The following ANKS3 variants were observed in gnomAD, a reference collection of about 807,000 sequenced individuals.
ANKS3 encodes the protein ankyrin repeat and SAM domain-containing protein 3.
A neutral mutation model predicts 80.7 loss-of-function variants in ANKS3; 62 were observed. That is an observed-to-expected ratio of 0.77 (90% CI 0.63 to 0.95). ANKS3 has a LOEUF of 0.95. Among genes scored for constraint, ANKS3 ranks in the 40% least tolerant of loss-of-function variants. The probability of loss-of-function intolerance (pLI) is 0.00; values close to 1 mark genes in which losing one functional copy is unlikely to be tolerated. For synonymous variants in ANKS3, 489 were observed against 355.3 expected, an observed-to-expected ratio of 1.38 and a Z score of -4.23; for missense variants, 1,150 against 883.6, an observed-to-expected ratio of 1.30 and a Z score of -3.82.
chr16:4,715,385 C>A (rs1402369527), intron 6 of ANKS3, among the ~76,000 whole-genome samples: 1 of 152,196 alleles, frequency 6.6e-6, no homozygotes, highest in African/African-American at 2.4e-5. Context: ...GCAGGGAAGC[C>A]AGAGCCAAAG....
At chr16:4,700,070 C>G (rs921949144) in intron 11 of ANKS3, 3 of 152,494 alleles carry the variant, frequency 2.0e-5, no homozygotes, top group African/African-American at 2.4e-5. Context: ...CCGGCAAATC[C>G]AAGGCTCTAC....
At chr16:4,723,140 C>A (rs76931061) in intron 6 of ANKS3, among the ~76,000 whole-genome samples, 1 of 152,104 alleles carries the variant, frequency 6.6e-6, no homozygotes, top group African/African-American at 2.4e-5. Flanking sequence ...GCACTTCCCC[C>A]CATTGGGTTT....
rs1210167198 is a variant in ANKS3, at chr16:4,727,173, C to T, written c.175G>A (p.Glu59Lys). 1 of 1,613,898 alleles carries T rather than the reference C, an allele frequency of 6.2e-7. No individual in the cohort carries two copies. Among genetic ancestry groups the T allele is most frequent in the East Asian group, 2.2e-5 (1 of 44,900 alleles). Residue 59 changes from glutamate to lysine, a missense_variant, in exon 4 of 18, where the codon GAG becomes AAG. Physicochemically the swap from Glu to Lys is moderately conservative, Grantham distance 56 (BLOSUM62 1). Coordinates refer to ENST00000304283, the MANE Select transcript of ANKS3 (RefSeq NM_133450.4). ...EVVKECVQRR[E>K]LDLNKKNGGG... ...CCATTCTTCTTATTCAAATCTAACTCTCTCCTAAACAAACGCAAGATATGC... is the reference window on the plus strand; with the variant it reads ...CCATTCTTCTTATTCAAATCTAACTTTCTCCTAAACAAACGCAAGATATGC...
At chr16:4,727,824 C>T (rs2081429928) in intron 3 of ANKS3, 3 of 153,258 alleles carry the variant, frequency 2.0e-5, no homozygotes, top group Admixed American at 1.9e-4. Context: ...TGTTAAAATT[C>T]TGGCAATGCA....
At chr16:4,713,833 C>T (rs893919499) in intron 7 of ANKS3, among the ~76,000 whole-genome samples, 21 of 152,356 alleles carry the variant, frequency 1.4e-4, no homozygotes, top group African/African-American at 4.3e-4. Flanking sequence ...CCTCTACATT[C>T]ACAACAGCCT....
intron 7 of ANKS3, among the ~76,000 whole-genome samples, chr16:4,706,650 G>C (rs916280409): frequency 2.0e-5 from 3 of 152,182 alleles, no homozygotes; most frequent in Non-Finnish European, 4.4e-5. Context: ...TTATTTTGTA[G>C]CTTTTCAGTT....
chr16:4,731,278 T>G (rs924807934), intron 2 of ANKS3, among the ~76,000 whole-genome samples: 16 of 152,192 alleles, frequency 1.1e-4, no homozygotes, highest in Admixed American at 2.0e-4. Context: ...TTTTACTGTA[T>G]GTAAATTTTA....
Position 4,727,469 on chromosome 16 carries a change from G to C in ANKS3, c.171-292C>G, listed in dbSNP as rs182971737. 8.6e-5 allele frequency: 42 copies of C among 485,956 alleles called. No homozygotes were observed. In the East Asian group the frequency reaches 1.4e-3, roughly 16 times the overall value. 30.1% of individuals were successfully genotyped at this position (485,956 alleles called of 1,614,324 possible). On this transcript the variant is annotated intron_variant, in intron 3 of 17. Transcript: ENST00000304283. ...CAGATAGGCAGATGGCACTCAACCAGGGAATATGTGGCAATGTGTGAAGGC... is the reference window on the plus strand; with the variant it reads ...CAGATAGGCAGATGGCACTCAACCACGGAATATGTGGCAATGTGTGAAGGC...
rs575519067 is a variant in ANKS3 at position 4,721,122 on chromosome 16, G to A, written c.573+3628C>T. Among the ~76,000 whole-genome samples the A allele has an allele frequency of 2.5e-4, 37 of 149,794 alleles. No individual in the cohort carries two copies. The South Asian group carries it at 2.5e-3, about 10-fold the overall frequency. The stretch of plus-strand genomic sequence containing the variant: ...AGATCGAGACCATCCTGGCTAACGC[G>A]GTGAAACCCCGTCTCTACTAAAAAT... On this transcript the variant is annotated intron_variant, in intron 6 of 17. Transcript: ENST00000304283.
chr16:4,732,657 C>A (rs2081690006), intron 1 of ANKS3, among the ~76,000 whole-genome samples: 1 of 110,462 alleles, frequency 9.1e-6, no homozygotes, highest in Non-Finnish European at 1.7e-5. Context: ...CCAGCCTGGG[C>A]AACAGAGCGA....
In ANKS3 at chr16:4,727,140, A is replaced by C. The variant is rs1252277904; in HGVS notation, c.208T>G (p.Trp70Gly). 3 of 1,614,086 alleles carry C rather than the reference A, an allele frequency of 1.9e-6. No homozygotes were observed. Among genetic ancestry groups the C allele is most frequent in the East Asian group, 2.2e-5 (1 of 44,900 alleles). Residue 70 changes from tryptophan to glycine, a missense_variant, in exon 4 of 18, where the codon TGG becomes GGG. Coordinates refer to ENST00000304283, the MANE Select transcript of ANKS3 (RefSeq NM_133450.4). ...LDLNKKNGGGWTPLMYASYIG... is the reference protein window; with the variant it reads ...LDLNKKNGGGGTPLMYASYIG... ...TAGGAGGCATACATCAGCGGGGTCC[A>C]GCCACCACCATTCTTCTTATTCAAA...
intron 7 of ANKS3, among the ~76,000 whole-genome samples, chr16:4,707,751 G>C (rs548678688): frequency 6.6e-6 from 1 of 152,288 alleles, no homozygotes; most frequent in Non-Finnish European, 1.5e-5. Flanking sequence ...TAGACTCACA[G>C]ATATGCTAAA....
intron 1 of ANKS3, among the ~76,000 whole-genome samples, chr16:4,732,569 G>A (rs2142180686): frequency 1.3e-5 from 2 of 150,224 alleles, no homozygotes; most frequent in East Asian, 4.0e-4. Flanking sequence ...TGTAGTCTCA[G>A]TACTCAGGAG....
intron 7 of ANKS3, among the ~76,000 whole-genome samples, chr16:4,707,943 C>A (rs1286047340): frequency 6.6e-6 from 1 of 151,668 alleles, no homozygotes; most frequent in African/African-American, 2.4e-5. Context: ...AAACCCTGTC[C>A]CTACTAAAAA....
chr16:4,701,772 G>T, intron 9 of ANKS3: 1 of 521,852 alleles, frequency 1.9e-6, no homozygotes, highest in East Asian at 3.1e-5. Context: ...GCAGTGCTTG[G>T]CACACGGTGG....
rs1182013278 is a variant in ANKS3 at position 4,734,115 on chromosome 16, G to A, written c.-248C>T. On this transcript the variant is annotated 5_prime_UTR_variant, in exon 1 of 18. Transcript: ENST00000304283. ...GAGCGCCGGGTCTAGGCGGGCTGCA[G>A]GTGCCGGCAAGTGCTGGGGCCGGGC... is the stretch of plus-strand genomic sequence containing the variant. 3 of 828,666 alleles carry A rather than the reference G, an allele frequency of 3.6e-6. No homozygotes were observed. Among genetic ancestry groups the A allele is most frequent in the African/African-American group, 3.7e-5 (2 of 54,048 alleles). 51.3% of individuals were successfully genotyped at this position (828,666 alleles called of 1,614,324 possible). A position where few individuals can be genotyped will look rare whatever the true frequency, so the allele number is the denominator to read the frequency against.
chr16:4,700,588 A>G (rs1555465951), intron 11 of ANKS3: 8 of 365,772 alleles, frequency 2.2e-5, no homozygotes, highest in Non-Finnish European at 4.3e-5. Context: ...AGAAAGGAGG[A>G]GGATGGTGGC....
At chr16:4,697,303 C>T (rs528808549) in intron 16 of ANKS3, 30 bp downstream of exon 16, 13 of 1,577,126 alleles carry the variant, frequency 8.2e-6, no homozygotes, top group African/African-American at 1.4e-5. Flanking sequence ...ACAAAAGGAG[C>T]GCTCAGTCGT....
rs557041520 is a variant in ANKS3, at chr16:4,720,813, T to C, written c.573+3937A>G. On this transcript the variant is annotated intron_variant, in intron 6 of 17. Transcript: ENST00000304283. ...TTAGCTGGGCGTGGTGGCACACGCC[T>C]GTAATCCCAGCTACTCAGGAGGCTG... 4.8e-3 allele frequency among the ~76,000 whole-genome samples: 723 copies of C among 150,578 alleles called. 11 individuals are homozygous for C. Among genetic ancestry groups the C allele is most frequent in the African/African-American group, 0.017 (696 of 41,250 alleles).
Sources: gnomAD v4.1 joint callset for allele counts (sites outside exome capture counted in the v4.1 genomes callset) on GRCh38, gnomAD v4.1.1 for gene constraint, MANE v1.5 for transcripts, NCBI Gene and HGNC (gene_info 2026-07-23, HGNC 2026-07-21) for gene names.